The following KLHDC2 variants were observed in gnomAD, a reference collection of about 807,000 sequenced individuals.
The protein encoded by KLHDC2 is kelch domain containing 2, also known as kelch domain-containing protein 2.
Under a neutral mutation model 62.3 loss-of-function variants are expected in KLHDC2, and 38 were observed. That is an observed-to-expected ratio of 0.61 (90% CI 0.47 to 0.80). The LOEUF (loss-of-function observed/expected upper bound fraction) is 0.80. KLHDC2 is among the 30% of genes least tolerant of loss of function. The probability of loss-of-function intolerance (pLI) is 0.00; values close to 1 mark genes in which losing one functional copy is unlikely to be tolerated. For synonymous variants in KLHDC2, 159 were observed against 161.0 expected (o/e 0.99, Z 0.09); for missense variants, 430 against 495.3 (o/e 0.87, Z 1.25).
chr14:49,772,475 A>T (rs1889683723), intron 2 of KLHDC2, among the ~76,000 whole-genome samples: 1 of 152,208 alleles, frequency 6.6e-6, no homozygotes, highest in African/African-American at 2.4e-5. Flanking sequence ...ATCTGAAATG[A>T]TCTTTTGCAG....
rs1267423571 is a variant in KLHDC2 at position 49,768,522 on chromosome 14, C to G, written c.54C>G (p.Phe18Leu). Residue 18 changes from phenylalanine (F) to leucine (L), a missense_variant, in exon 1 of 13, where the codon TTC (phenylalanine) becomes TTG (leucine). Transcript: ENST00000298307. ...CTGACGACTTGCCTGGGCCAGCCTTCGAGAGCTATGAGTCCATGGAGCTTG... is the reference window on the plus strand; with the variant it reads ...CTGACGACTTGCCTGGGCCAGCCTTGGAGAGCTATGAGTCCATGGAGCTTG... The part of the protein sequence containing the change: ...LRADDLPGPA[F>L]ESYESMELAC... The G allele has an allele frequency of 1.9e-6, 3 of 1,611,144 alleles. No homozygotes were observed. The highest frequency in any genetic ancestry group is 3.3e-5 in the Admixed American group (2 of 59,732).
At chr14:49,775,682 A>G (rs1441518609) in intron 3 of KLHDC2, among the ~76,000 whole-genome samples, 1 of 130,276 alleles carries the variant, frequency 7.7e-6, no homozygotes, top group African/African-American at 2.9e-5. Context: ...GCTGGAGTGC[A>G]GTGGTGCAAT....
intron 3 of KLHDC2, among the ~76,000 whole-genome samples, chr14:49,776,982 T>G (rs1438417158): frequency 6.6e-6 from 1 of 151,320 alleles, no homozygotes; most frequent in Admixed American, 6.6e-5. Flanking sequence ...ATTGCAAAAA[T>G]ATGGAACCAG....
chr14:49,778,561 G>GGGGGGGA, intron 6 of KLHDC2, 67 bp downstream of exon 6: 1 of 297,526 alleles, frequency 3.4e-6, no homozygotes. Context: ...TGGGGTAGGG[G>GGGGGGGA]AGAGGGGTGC....
At chr14:49,781,717 T>TG (rs942370090) in intron 10 of KLHDC2, among the ~76,000 whole-genome samples, 1 of 150,174 alleles carries the variant, frequency 6.7e-6, no homozygotes, top group African/African-American at 2.4e-5. Context: ...AAAAAATACA[T>TG]GGGGAAAAAA....
intron 3 of KLHDC2, among the ~76,000 whole-genome samples, chr14:49,775,309 T>G (rs538547754): frequency 2.0e-5 from 3 of 152,338 alleles, no homozygotes; most frequent in Middle Eastern, 6.8e-3. Flanking sequence ...GTAAGCACTT[T>G]ATGTGCTGAG....
Position 49,768,417 on chromosome 14 carries a change from T to G in KLHDC2, c.-52T>G, listed in dbSNP as rs1889588508. 5 of 1,577,088 alleles carry G rather than the reference T, an allele frequency of 3.2e-6. No individual in the cohort carries two copies. The African/African-American group carries it at 6.9e-5, about 22-fold the overall frequency. Reference sequence around the variant, plus strand: ...ATTTCTCTCCTTTTCCTTTGTTTTTTTGGCCCCTCGCGGGTGTGGGCATTG... The same window carrying G: ...ATTTCTCTCCTTTTCCTTTGTTTTTGTGGCCCCTCGCGGGTGTGGGCATTG... On this transcript the variant is annotated 5_prime_UTR_variant, in exon 1 of 13. Transcript: ENST00000298307.
chr14:49,782,815 C>T lies in KLHDC2; in HGVS notation c.1098-15C>T, dbSNP rs748062491. On this transcript the variant is annotated splice_polypyrimidine_tract_variant and intron_variant, in intron 12 of 12. Coordinates refer to ENST00000298307, the MANE Select transcript of KLHDC2 (RefSeq NM_014315.3). ...TAAAGTGAAATTACTTTTCTCTTTCCTTGTCCACTTTCAGGCTAAGCTTAG... is the reference window on the plus strand; with the variant it reads ...TAAAGTGAAATTACTTTTCTCTTTCTTTGTCCACTTTCAGGCTAAGCTTAG... 26 of 1,608,002 alleles carry T rather than the reference C, an allele frequency of 1.6e-5. No homozygotes were observed. The highest frequency in any genetic ancestry group is 5.1e-5 in the Admixed American group (3 of 58,526).
Position 49,783,329 on chromosome 14 carries a change from T to C in KLHDC2, c.*376T>C, listed in dbSNP as rs1328263350. 6.4e-6 allele frequency: 1 copy of C among 155,246 alleles called. No homozygotes were observed. The highest frequency in any genetic ancestry group is 1.9e-4 in the East Asian group (1 of 5,298). The allele number at this position is 155,246 out of a possible 1,614,324, so 9.6% of individuals were successfully genotyped here. A position where few individuals can be genotyped will look rare whatever the true frequency, so the allele number is the denominator to read the frequency against. On this transcript the variant is annotated 3_prime_UTR_variant, in exon 13 of 13. Coordinates refer to ENST00000298307, the MANE Select transcript of KLHDC2 (RefSeq NM_014315.3). ...TTTTTTTAATGGCAAGAGTAGTCTATAGTTATGTAACCTAGTGTTGTAAAT... is the reference window on the plus strand; with the variant it reads ...TTTTTTTAATGGCAAGAGTAGTCTACAGTTATGTAACCTAGTGTTGTAAAT...
At chr14:49,775,741 C>G (rs1416396563) in intron 3 of KLHDC2, among the ~76,000 whole-genome samples, 1 of 150,668 alleles carries the variant, frequency 6.6e-6, no homozygotes, top group Non-Finnish European at 1.5e-5. Context: ...ATTCTCGTAC[C>G]TCAGCCTCCT....
intron 1 of KLHDC2, among the ~76,000 whole-genome samples, chr14:49,769,872 G>A (rs568067903): frequency 6.6e-6 from 1 of 151,994 alleles, no homozygotes; most frequent in Admixed American, 6.6e-5. Flanking sequence ...AACCAGGGAG[G>A]CGGAGTTTGC....
chr14:49,770,244 C>T (rs1481484764), intron 1 of KLHDC2, among the ~76,000 whole-genome samples: 2 of 152,096 alleles, frequency 1.3e-5, no homozygotes, highest in Non-Finnish European at 2.9e-5. Context: ...AACAGACTGC[C>T]CTCCCCATTT....
Position 49,778,274 on chromosome 14 carries a change from A to C in KLHDC2, c.549+15A>C, listed in dbSNP as rs769806749. 3 of 1,517,764 alleles carry C rather than the reference A, an allele frequency of 2.0e-6. No homozygotes were observed. The highest frequency in any genetic ancestry group is 2.7e-6 in the Non-Finnish European group (3 of 1,095,742). 94.0% of individuals were successfully genotyped at this position (1,517,764 alleles called of 1,614,324 possible). A position where few individuals can be genotyped will look rare whatever the true frequency, so the allele number is the denominator to read the frequency against. The stretch of plus-strand genomic sequence containing the variant: ...CATCTTTTTGGGTAAGTGAAGTTTC[A>C]TATTTGCATATGGCCTCCTTAGTAT... On this transcript the variant is annotated intron_variant, in intron 5 of 12. Coordinates refer to ENST00000298307, the MANE Select transcript of KLHDC2 (RefSeq NM_014315.3).
In KLHDC2 at chr14:49,785,148, ATTACATGTG is replaced by A; in HGVS notation, c.*2200_*2208del. ...TTTCACTTTATATCTTTAAAAAGGA[ATTACATGTG>A]TTACTAAATAGACGTTACAAAACAA... On this transcript the variant is annotated 3_prime_UTR_variant, in exon 13 of 13. Coordinates refer to ENST00000298307, the MANE Select transcript of KLHDC2 (RefSeq NM_014315.3). The A allele has an allele frequency of 6.2e-7, 1 of 1,602,478 alleles. No individual in the cohort carries two copies. The highest frequency in any genetic ancestry group is 1.1e-5 in the South Asian group (1 of 90,800).
Position 49,785,055 on chromosome 14 carries a change from G to C in KLHDC2, c.*2102G>C. 1 of 1,606,782 alleles carries C rather than the reference G, an allele frequency of 6.2e-7. No homozygotes were observed. Among genetic ancestry groups the C allele is most frequent in the Non-Finnish European group, 8.5e-7 (1 of 1,173,734 alleles). ...TAATCTACTGTTAAGTCACTGAACT[G>C]TTTAAAATCATAATTCAAAAAAACA... is the stretch of plus-strand genomic sequence containing the variant. On this transcript the variant is annotated 3_prime_UTR_variant, in exon 13 of 13. Transcript: ENST00000298307.
chr14:49,782,652 G>C, intron 12 of KLHDC2, 58 bp downstream of exon 12: 1 of 1,445,320 alleles, frequency 6.9e-7, no homozygotes, highest in Non-Finnish European at 9.5e-7. Context: ...CTAAGACTTA[G>C]CACTCTCGAA....
intron 3 of KLHDC2, among the ~76,000 whole-genome samples, chr14:49,775,922 C>T (rs1011116761): frequency 5.9e-5 from 9 of 152,134 alleles, no homozygotes; most frequent in Non-Finnish European, 1.0e-4. Context: ...CCACCGTGCC[C>T]GGCAGCAAAT....
intron 2 of KLHDC2, among the ~76,000 whole-genome samples, chr14:49,773,867 C>G (rs995279592): frequency 6.6e-6 from 1 of 151,976 alleles, no homozygotes; most frequent in Admixed American, 6.6e-5. Flanking sequence ...TGAGCCACCG[C>G]GCCCAGCCAA....
At chr14:49,781,323 C>T (rs746222386) in intron 10 of KLHDC2, among the ~76,000 whole-genome samples, 9 of 139,868 alleles carry the variant, frequency 6.4e-5, no homozygotes, top group African/African-American at 2.4e-4. Context: ...GAGCTGAGAT[C>T]GTGCCTTTGC....
Sources: gnomAD v4.1 joint callset for allele counts (sites outside exome capture counted in the v4.1 genomes callset) on GRCh38, gnomAD v4.1.1 for gene constraint, MANE v1.5 for transcripts, NCBI Gene and HGNC (gene_info 2026-07-23, HGNC 2026-07-21) for gene names.